The following CELSR3 variants were observed in gnomAD, a reference collection of about 807,000 sequenced individuals.
The protein encoded by CELSR3 is EGF-like protein 1.
In CELSR3, 73 loss-of-function variants were observed where a neutral mutation model predicts 270.0. The observed-to-expected ratio is 0.27, with a 90% CI of 0.22 to 0.33. CELSR3 has a LOEUF of 0.33. Among genes scored for constraint, CELSR3 ranks in the 10% least tolerant of loss-of-function variants. CELSR3 has a pLI of 1.00. For missense variants in CELSR3, 3,614 were observed against 4,533.8 expected (o/e 0.80, Z 5.83); for synonymous variants, 1,780 against 1,905.4 (o/e 0.93, Z 1.71).
Position 48,660,102 on chromosome 3 carries a change from G to A in CELSR3, c.2533C>T (p.His845Tyr), listed in dbSNP as rs772028156. The A allele has an allele frequency of 6.2e-7, 1 of 1,614,158 alleles. No homozygotes were observed. Among genetic ancestry groups the A allele is most frequent in the Non-Finnish European group, 8.5e-7 (1 of 1,180,030 alleles). Residue 845 changes from histidine (H) to tyrosine (Y), a missense_variant, in exon 1 of 35, where the codon CAC becomes TAC. Transcript: ENST00000164024. This position sits in a 1 kb window ranked among gnomAD's most constrained non-coding sequence, Gnocchi z 5.5. Reference protein sequence around the residue: ...DRALHDHCYVHINITDANTHR... With the variant: ...DRALHDHCYVYINITDANTHR... The stretch of plus-strand genomic sequence containing the variant: ...GTGTTGGCATCTGTGATGTTGATGT[G>A]CACATAGCAGTGATCATGAAGGGCA...
chr3:48,646,619 G>T lies in CELSR3; in HGVS notation c.7295+144C>A. ...CACTCTGCACAACTCCAGAGAATAA[G>T]ATTCACACAGAACCCGGCAAGGATG... On this transcript the variant is annotated intron_variant, in intron 21 of 34. Coordinates refer to ENST00000164024, the MANE Select transcript of CELSR3 (RefSeq NM_001407.3). This position sits in a 1 kb window ranked among gnomAD's most constrained non-coding sequence, Gnocchi z 4.8. The T allele has an allele frequency of 1.2e-6, 1 of 840,500 alleles. No homozygotes were observed. The highest frequency in any genetic ancestry group is 1.8e-6 in the Non-Finnish European group (1 of 549,740). 52.1% of individuals were successfully genotyped at this position (840,500 alleles called of 1,614,324 possible).
Position 48,650,238 on chromosome 3 carries a change from A to T in CELSR3, c.6472+242T>A, listed in dbSNP as rs1559478965. 1.6e-6 allele frequency: 1 copy of T among 625,856 alleles called. No individual in the cohort carries two copies. 38.8% of individuals were successfully genotyped at this position (625,856 alleles called of 1,614,324 possible). A position where few individuals can be genotyped will look rare whatever the true frequency, so the allele number is the denominator to read the frequency against. ...GGTCTGCAAAAGCTCTGGTAGTGGG[A>T]GGGGGCAGTGCACCTGAGCAAACAC... On this transcript the variant is annotated intron_variant, in intron 16 of 34. Coordinates refer to ENST00000164024, the MANE Select transcript of CELSR3 (RefSeq NM_001407.3). This position sits in a 1 kb window ranked among gnomAD's most constrained non-coding sequence, Gnocchi z 5.1.
At chr3:48,643,365 T>C in intron 28 of CELSR3, 189 bp downstream of exon 28, 1 of 802,228 alleles carries the variant, frequency 1.2e-6, no homozygotes, top group Admixed American at 2.9e-5. Flanking sequence ...GATCAGTGCC[T>C]AAGTTAGAGT....
rs572861446 is a variant in CELSR3, at chr3:48,641,756, C to T, written c.8824+95G>A. The T allele has an allele frequency of 3.5e-4, 453 of 1,277,940 alleles. 1 individual carries two copies. Among genetic ancestry groups the T allele is most frequent in the Non-Finnish European group, 3.8e-4 (366 of 954,594 alleles). 79.2% of individuals were successfully genotyped at this position (1,277,940 alleles called of 1,614,324 possible). ...CTGATGACTGAGGGGTCAGAAAGACCAGGATGAACCCCAACCGCAGGAAAG... is the reference window on the plus strand; with the variant it reads ...CTGATGACTGAGGGGTCAGAAAGACTAGGATGAACCCCAACCGCAGGAAAG... On this transcript the variant is annotated intron_variant, in intron 32 of 34. Coordinates refer to ENST00000164024, the MANE Select transcript of CELSR3 (RefSeq NM_001407.3). This position sits in a 1 kb window ranked among gnomAD's most constrained non-coding sequence, Gnocchi z 4.8.
Position 48,643,092 on chromosome 3 carries a change from C to T in CELSR3, c.8290-9G>A. The T allele has an allele frequency of 6.3e-7, 1 of 1,585,234 alleles. No individual in the cohort carries two copies. Among genetic ancestry groups the T allele is most frequent in the Non-Finnish European group, 8.7e-7 (1 of 1,155,230 alleles). On this transcript the variant is annotated splice_polypyrimidine_tract_variant and intron_variant, in intron 28 of 34. Coordinates refer to ENST00000164024, the MANE Select transcript of CELSR3 (RefSeq NM_001407.3). ...AGCAGCACCGCCAGGCCCTGTGGGT[C>T]AGCGAGGGTCAAAGCAGAGTCGGCA...
At position 48,642,685 on chromosome 3, in the gene CELSR3, TG is replaced by T; in HGVS notation, c.8555+50del. On this transcript the variant is annotated intron_variant, in intron 30 of 34. Coordinates refer to ENST00000164024, the MANE Select transcript of CELSR3 (RefSeq NM_001407.3). The surrounding 1 kb of genome is among the most constrained non-coding windows in gnomAD (Gnocchi z 6.1). Reference sequence around the variant, plus strand: ...CCTGGTCAGCCAAGCCCTGGTAAGGTGGGGCTGGACTAAGCTGAGTGTTCCC... The same window carrying T: ...CCTGGTCAGCCAAGCCCTGGTAAGGTGGGCTGGACTAAGCTGAGTGTTCCC... 1 of 1,576,326 alleles carries T rather than the reference TG, an allele frequency of 6.3e-7. No individual in the cohort carries two copies. The highest frequency in any genetic ancestry group is 8.6e-7 in the Non-Finnish European group (1 of 1,164,490).
intron 16 of CELSR3, among the ~76,000 whole-genome samples, chr3:48,649,581 GCT>G (rs1220972227): frequency 6.6e-6 from 1 of 152,154 alleles, no homozygotes; most frequent in Non-Finnish European, 1.5e-5. Context: ...GACACACAAT[GCT>G]CTCTCGCACA....
chr3:48,645,684 C>A lies in CELSR3; in HGVS notation c.7591-35G>T. 1 of 1,601,188 alleles carries A rather than the reference C, an allele frequency of 6.2e-7. No individual in the cohort carries two copies. The highest frequency in any genetic ancestry group is 8.5e-7 in the Non-Finnish European group (1 of 1,170,706). ...CAGGGATGGTTGATGGGTTGTTGGGCAGAATCCCCGTGTCCCTTTGACCCC... is the reference window on the plus strand; with the variant it reads ...CAGGGATGGTTGATGGGTTGTTGGGAAGAATCCCCGTGTCCCTTTGACCCC... On this transcript the variant is annotated intron_variant, in intron 23 of 34. Coordinates refer to ENST00000164024, the MANE Select transcript of CELSR3 (RefSeq NM_001407.3). The surrounding 1 kb of genome is among the most constrained non-coding windows in gnomAD (Gnocchi z 5.4).
chr3:48,639,752 G>A lies in CELSR3; in HGVS notation c.9833C>T (p.Ala3278Val). 1 of 1,613,726 alleles carries A rather than the reference G, an allele frequency of 6.2e-7. No individual in the cohort carries two copies. The highest frequency in any genetic ancestry group is 1.1e-5 in the South Asian group (1 of 91,082). ...GGAGGGCCCAAGCACAGAGGCTGTG[G>A]CAGAAGGTGTGGCAGTGGTGTGAGG... ...LGPHTTATPS[A>V]TASVLGPSTP... The change falls in exon 34 of 35, where the codon GCC (alanine) becomes GTC (valine). Residue 3278 changes from alanine to valine, a missense_variant. This residue lies in a region of CELSR3 where 1,240 missense variants were observed against 1,351.7 expected (regional missense o/e 0.92). Transcript: ENST00000164024. This position sits in a 1 kb window ranked among gnomAD's most constrained non-coding sequence, Gnocchi z 4.1.
Position 48,637,025 on chromosome 3 carries a change from G to A in CELSR3, c.*1180C>T, listed in dbSNP as rs2046976370. Reference sequence around the variant, plus strand: ...AAAAAAATTATCTACTGTAAACAAAGTGTAAAACTCAAAGTTTTGAGTTGT... The same window carrying A: ...AAAAAAATTATCTACTGTAAACAAAATGTAAAACTCAAAGTTTTGAGTTGT... On this transcript the variant is annotated 3_prime_UTR_variant, in exon 35 of 35. Coordinates refer to ENST00000164024, the MANE Select transcript of CELSR3 (RefSeq NM_001407.3). The A allele has an allele frequency of 6.6e-6, 1 of 152,462 alleles. No individual in the cohort carries two copies. Among genetic ancestry groups the A allele is most frequent in the African/African-American group, 2.4e-5 (1 of 41,426 alleles). 9.4% of individuals were successfully genotyped at this position (152,462 alleles called of 1,614,324 possible).
chr3:48,643,130 G>T (rs374796749), intron 28 of CELSR3, 47 bp from the exon 29 acceptor site: 1 of 1,287,056 alleles, frequency 7.8e-7, no homozygotes, highest in Admixed American at 1.7e-5. Context: ...GATCAATCAG[G>T]GACCAGTATA....
rs903695928 is a variant in CELSR3 at position 48,648,187 on chromosome 3, C to T, written c.6973+79G>A. The stretch of plus-strand genomic sequence containing the variant: ...TGCCATTAACATTGGCATTGATAGC[C>T]ACAGCCCCTCAGACCTTCAGGTACC... On this transcript the variant is annotated intron_variant, in intron 19 of 34. Transcript: ENST00000164024. The T allele has an allele frequency of 3.3e-6, 5 of 1,506,876 alleles. No homozygotes were observed. In the African/African-American group the frequency reaches 6.9e-5, roughly 21 times the overall value. 93.3% of individuals were successfully genotyped at this position (1,506,876 alleles called of 1,614,324 possible).
At position 48,657,087 on chromosome 3, in the gene CELSR3, C is replaced by G. The variant is rs1475467874; in HGVS notation, c.4010G>C (p.Gly1337Ala). 1 of 1,613,778 alleles carries G rather than the reference C, an allele frequency of 6.2e-7. No individual in the cohort carries two copies. The highest frequency in any genetic ancestry group is 8.5e-7 in the Non-Finnish European group (1 of 1,179,960). Residue 1337 changes from glycine (G) to alanine (A), a missense_variant, in exon 2 of 35, where the codon GGG (glycine) becomes GCG (alanine). Physicochemically the swap from Gly to Ala is moderately conservative, Grantham distance 60. Coordinates refer to ENST00000164024, the MANE Select transcript of CELSR3 (RefSeq NM_001407.3). This position sits in a 1 kb window ranked among gnomAD's most constrained non-coding sequence, Gnocchi z 5.4. ...NVSFSALAPR[G>A]AGAGAAGPWF... ...GGGCCCTGCAGCGCCCGCCCCGGCC[C>G]CACGTGGAGCTAGCGCCGAGAAACT... is the stretch of plus-strand genomic sequence containing the variant.
In CELSR3 at chr3:48,657,568, C is replaced by T. The variant is rs1167495631; in HGVS notation, c.3749-220G>A. 2.0e-5 allele frequency among the ~76,000 whole-genome samples: 3 copies of T among 152,174 alleles called. No individual in the cohort carries two copies. The highest frequency in any genetic ancestry group is 1.5e-5 in the Non-Finnish European group (1 of 68,014). ...GCTTCCTCCCCCAATCCCCAATACA[C>T]GGAGGGGTCTGGGCCAAGGATCAAG... On this transcript the variant is annotated intron_variant, in intron 1 of 34. Coordinates refer to ENST00000164024, the MANE Select transcript of CELSR3 (RefSeq NM_001407.3). This position sits in a 1 kb window ranked among gnomAD's most constrained non-coding sequence, Gnocchi z 5.4.
Position 48,659,765 on chromosome 3 carries a change from T to C in CELSR3, c.2870A>G (p.Asn957Ser). 2 of 1,614,206 alleles carry C rather than the reference T, an allele frequency of 1.2e-6. No homozygotes were observed. Among genetic ancestry groups the C allele is most frequent in the African/African-American group, 1.3e-5 (1 of 75,050 alleles). ...GTGGGAGGCCACAAATTGTGGAGCA[T>C]TGTCATTCACGTCATTGACCATCAC... ...VEVMVNDVND[N>S]APQFVASHYT... The change falls in exon 1 of 35, where the codon AAT becomes AGT. Residue 957 changes from asparagine to serine, a missense_variant. Transcript: ENST00000164024. This position sits in a 1 kb window ranked among gnomAD's most constrained non-coding sequence, Gnocchi z 8.1.
In CELSR3 at chr3:48,641,736, G is replaced by T; in HGVS notation, c.8824+115C>A. On this transcript the variant is annotated intron_variant, in intron 32 of 34. Transcript: ENST00000164024. This position sits in a 1 kb window ranked among gnomAD's most constrained non-coding sequence, Gnocchi z 4.8. ...GAGACTAAAAGTTGGGGAACCTGAT[G>T]ACTGAGGGGTCAGAAAGACCAGGAT... 1.8e-6 allele frequency: 2 copies of T among 1,133,894 alleles called. No homozygotes were observed. The highest frequency in any genetic ancestry group is 3.3e-5 in the South Asian group (2 of 59,764). 70.2% of individuals were successfully genotyped at this position (1,133,894 alleles called of 1,614,324 possible).
Position 48,640,003 on chromosome 3 carries a change from CAG to C in CELSR3, c.9580_9581del (p.Leu3194ValfsTer2), listed in dbSNP as rs760946564. 6.2e-6 allele frequency: 10 copies of C among 1,612,314 alleles called. No individual in the cohort carries two copies. The highest frequency in any genetic ancestry group is 1.7e-5 in the Admixed American group (1 of 59,990). ...PLLPSRPLDSLSRSSNSREQL... is the reference protein window; with the variant it reads ...PLLPSRPLDSXSRSSNSREQL... ...GCTCCCGAGAGTTCGAGCTCCTAGA[CAG>C]AGAGTCCAGCGGCCGGGATGGCAAG... On this transcript the variant is annotated frameshift_variant, in exon 34 of 35. Transcript: ENST00000164024. LOFTEE classifies it high-confidence loss of function. The surrounding 1 kb of genome is among the most constrained non-coding windows in gnomAD (Gnocchi z 7.5).
rs2047129518 is a variant in CELSR3 at position 48,650,705 on chromosome 3, G to C, written c.6371-124C>G. On this transcript the variant is annotated intron_variant, in intron 15 of 34. Coordinates refer to ENST00000164024, the MANE Select transcript of CELSR3 (RefSeq NM_001407.3). The surrounding 1 kb of genome is among the most constrained non-coding windows in gnomAD (Gnocchi z 5.1). ...CGCCACTCCTGCTGGCTTCTCAGGAGCTGACCTGTCAGATTCTGTGACAGG... is the reference window on the plus strand; with the variant it reads ...CGCCACTCCTGCTGGCTTCTCAGGACCTGACCTGTCAGATTCTGTGACAGG... 3.8e-6 allele frequency: 4 copies of C among 1,041,160 alleles called. No individual in the cohort carries two copies. In the East Asian group the frequency reaches 1.0e-4, roughly 27 times the overall value. 64.5% of individuals were successfully genotyped at this position (1,041,160 alleles called of 1,614,324 possible). A position where few individuals can be genotyped will look rare whatever the true frequency, so the allele number is the denominator to read the frequency against.
In CELSR3 at chr3:48,662,070, G is replaced by A. The variant is rs536931994; in HGVS notation, c.565C>T (p.Arg189Trp). The A allele has an allele frequency of 6.2e-7, 1 of 1,614,082 alleles. No homozygotes were observed. Among genetic ancestry groups the A allele is most frequent in the Non-Finnish European group, 8.5e-7 (1 of 1,180,024 alleles). ...HHGPKPVSSQRNAGTGSRKRV... is the reference protein window; with the variant it reads ...HHGPKPVSSQWNAGTGSRKRV... ...TTGCGGGAGCCTGTCCCAGCGTTCCGCTGGGAGGACACCGGCTTGGGACCG... is the reference window on the plus strand; with the variant it reads ...TTGCGGGAGCCTGTCCCAGCGTTCCACTGGGAGGACACCGGCTTGGGACCG... The change falls in exon 1 of 35, where the codon CGG becomes TGG. Residue 189 changes from arginine (R) to tryptophan (W), a missense_variant. Coordinates refer to ENST00000164024, the MANE Select transcript of CELSR3 (RefSeq NM_001407.3). This position sits in a 1 kb window ranked among gnomAD's most constrained non-coding sequence, Gnocchi z 7.1.
Sources: allele counts gnomAD v4.1 joint callset (sites outside exome capture counted in the v4.1 genomes callset), GRCh38; gene constraint gnomAD v4.1.1; regional missense constraint gnomAD v4.1.1; non-coding constraint Gnocchi (gnomAD v3.1); transcripts MANE v1.5; gene names NCBI Gene and HGNC (gene_info 2026-07-23, HGNC 2026-07-21).